Variants in TENM1 observed in about 807,000 individuals in gnomAD.
The protein encoded by TENM1 is teneurin-1.
In TENM1, 35 loss-of-function variants were observed where a neutral mutation model predicts 174.8. That is an observed-to-expected ratio of 0.20 (90% CI 0.15 to 0.27). TENM1 has a LOEUF of 0.27. Among genes scored for constraint, TENM1 ranks in the 10% least tolerant of loss-of-function variants. The probability of loss-of-function intolerance (pLI) is 1.00; values close to 1 mark genes in which losing one functional copy is unlikely to be tolerated. For missense variants in TENM1, 1,633 were observed against 2,130.1 expected, an observed-to-expected ratio of 0.77 and a Z score of 4.59; for synonymous variants, 781 against 798.7, an observed-to-expected ratio of 0.98 and a Z score of 0.37.
the TENM1 span, among the ~76,000 whole-genome samples, chrX:125,035,665 G>A: frequency 9.0e-6 from 1 of 111,729 alleles, no homozygotes; most frequent in African/African-American, 3.3e-5. Context: ...CAGTGAAAAG[G>A]AAGTGCTAGT....
chrX:124,930,887 G>T (rs1019770935), intron 1 of TENM1, among the ~76,000 whole-genome samples: 2 of 111,773 alleles, frequency 1.8e-5, no homozygotes, highest in Non-Finnish European at 3.8e-5. Flanking sequence ...CTTAAGACAC[G>T]TGCTAATTCT....
intron 3 of TENM1, among the ~76,000 whole-genome samples, chrX:124,849,327 A>G (rs1302332126): frequency 9.0e-6 from 1 of 111,200 alleles, no homozygotes; most frequent in Non-Finnish European, 1.9e-5. Context: ...AATACAGCAA[A>G]GGTGGTGGGA....
In TENM1 at chrX:124,799,720, A is replaced by G. The variant is rs1265372979; in HGVS notation, c.536-62523T>C. Among the ~76,000 whole-genome samples, 4 of 111,698 alleles carry G rather than the reference A, an allele frequency of 3.6e-5. No individual in the cohort carries two copies. In the East Asian group the frequency reaches 1.1e-3, roughly 31 times the overall value. On this transcript the variant is annotated intron_variant, in intron 3 of 31. Transcript: ENST00000422452. ...ATGCTTCCAGCTTTTCCCATTCAGTATGATATTGGCTGTGGGTTTGTCATA... is the reference window on the plus strand; with the variant it reads ...ATGCTTCCAGCTTTTCCCATTCAGTGTGATATTGGCTGTGGGTTTGTCATA...
At chrX:124,628,317 C>T (rs1224956312) in intron 11 of TENM1, among the ~76,000 whole-genome samples, 1 of 111,326 alleles carries the variant, frequency 9.0e-6, no homozygotes, top group African/African-American at 3.3e-5. Context: ...AAACTTGATA[C>T]TGCCATATGC....
chrX:125,013,748 T>G, the TENM1 span, among the ~76,000 whole-genome samples: 1 of 111,793 alleles, frequency 8.9e-6, no homozygotes, highest in African/African-American at 3.2e-5. Context: ...TCTGAGTCAC[T>G]GTGTTATCCA....
chrX:124,422,750 T>G, intron 23 of TENM1, 112 bp from the exon 27 acceptor site: 1 of 760,298 alleles, frequency 1.3e-6, no homozygotes, highest in East Asian at 3.2e-5. Context: ...TCTTATGAAT[T>G]TTAGCAACAT....
At chrX:124,632,666 AACT>A (rs767544310) in intron 11 of TENM1, among the ~76,000 whole-genome samples, 1 of 111,230 alleles carries the variant, frequency 9.0e-6, no homozygotes, top group South Asian at 3.8e-4. Context: ...ATGCAATCCA[AACT>A]CTAATAATGA....
intron 11 of TENM1, among the ~76,000 whole-genome samples, chrX:124,612,450 A>T (rs1433848997): frequency 1.8e-5 from 2 of 111,361 alleles, no homozygotes; most frequent in African/African-American, 6.5e-5. Flanking sequence ...CTAGGTTGGA[A>T]CAGTGTTCTG....
chrX:124,805,427 T>A lies in TENM1; in HGVS notation c.536-68230A>T, dbSNP rs748028701. On this transcript the variant is annotated intron_variant, in intron 3 of 31. Transcript: ENST00000422452. ...TCATAAAGTAGAAATTCAAGTCAAA[T>A]GAGTTATGTGGTAAAATGGGCATAC... is the stretch of plus-strand genomic sequence containing the variant. Among the ~76,000 whole-genome samples the A allele has an allele frequency of 3.6e-5, 4 of 112,306 alleles. No individual in the cohort carries two copies. The South Asian group carries it at 1.5e-3, about 42-fold the overall frequency.
chrX:124,765,035 C>T (rs2054510175), intron 3 of TENM1, among the ~76,000 whole-genome samples: 1 of 111,478 alleles, frequency 9.0e-6, no homozygotes. Flanking sequence ...AAGAAAGAAG[C>T]TACAGTAATC....
chrX:124,673,835 G>A (rs1209460708), intron 5 of TENM1, among the ~76,000 whole-genome samples: 2 of 111,444 alleles, frequency 1.8e-5, no homozygotes, highest in East Asian at 5.7e-4. Flanking sequence ...AGAGAAAGGA[G>A]GGAGGAATCC....
chrX:124,703,501 T>C (rs2052823929), intron 5 of TENM1, among the ~76,000 whole-genome samples: 1 of 111,909 alleles, frequency 8.9e-6, no homozygotes, highest in African/African-American at 3.2e-5. Flanking sequence ...GAGCTTGCTA[T>C]TACTTGAGCT....
At chrX:124,867,627 A>G (rs2057031301) in intron 3 of TENM1, among the ~76,000 whole-genome samples, 1 of 112,226 alleles carries the variant, frequency 8.9e-6, no homozygotes, top group Non-Finnish European at 1.9e-5. Context: ...TAGTATTGGA[A>G]GTCCTAGCTA....
chrX:124,743,677 T>C (rs972612096), intron 3 of TENM1, among the ~76,000 whole-genome samples: 4 of 111,877 alleles, frequency 3.6e-5, no homozygotes, highest in African/African-American at 9.7e-5. Flanking sequence ...TTTGAGGACT[T>C]TGAATGGCCC....
intron 22 of TENM1, among the ~76,000 whole-genome samples, chrX:124,473,644 A>G (rs1383520221): frequency 9.0e-6 from 1 of 110,850 alleles, no homozygotes; most frequent in African/African-American, 3.3e-5. Context: ...TCTGCATGCT[A>G]CCTTCAGTGG....
At chrX:124,783,479 T>A (rs926306310) in intron 3 of TENM1, among the ~76,000 whole-genome samples, 2 of 111,933 alleles carry the variant, frequency 1.8e-5, no homozygotes, top group African/African-American at 6.5e-5. Context: ...GTTATAATAA[T>A]TTTTAAAAAG....
At chrX:124,764,116 C>A (rs1037282612) in intron 3 of TENM1, among the ~76,000 whole-genome samples, 1 of 112,068 alleles carries the variant, frequency 8.9e-6, no homozygotes, top group African/African-American at 3.2e-5. Flanking sequence ...TCTATTAAGA[C>A]CTCAGGTCCT....
At chrX:124,658,211 A>G (rs1405648052) in intron 6 of TENM1, among the ~76,000 whole-genome samples, 1 of 111,609 alleles carries the variant, frequency 9.0e-6, no homozygotes, top group Admixed American at 9.5e-5. Context: ...TCCTTACGTG[A>G]ACTATCGAAG....
At chrX:124,417,910 G>A (rs185222934) in intron 25 of TENM1, among the ~76,000 whole-genome samples, 17 of 111,418 alleles carry the variant, frequency 1.5e-4, no homozygotes, top group African/African-American at 5.2e-4. Flanking sequence ...CTCTCTATAA[G>A]TCCTGATAGC....
Sources: allele counts gnomAD v4.1 joint callset (sites outside exome capture counted in the v4.1 genomes callset), GRCh38; gene constraint gnomAD v4.1.1; transcripts MANE v1.5; gene names NCBI Gene and HGNC (gene_info 2026-07-23, HGNC 2026-07-21).